TOX: variants seen among roughly 807,000 people sequenced by gnomAD.
TOX encodes thymocyte selection-associated high mobility group box protein TOX.
Under a neutral mutation model 53.7 loss-of-function variants are expected in TOX, and 11 were observed. That is an observed-to-expected ratio of 0.20 (90% CI 0.13 to 0.34). The LOEUF (loss-of-function observed/expected upper bound fraction) is 0.34. Ranked by LOEUF, TOX falls within the 10% of genes least tolerant of loss-of-function variation. The pLI is 1.00. For synonymous variants in TOX, 225 were observed against 245.3 expected, an observed-to-expected ratio of 0.92 and a Z score of 0.77; for missense variants, 570 against 664.6, an observed-to-expected ratio of 0.86 and a Z score of 1.56.
Position 58,826,915 on chromosome 8 carries a change from C to T in TOX, c.925-13G>A. 1 of 1,606,678 alleles carries T rather than the reference C, an allele frequency of 6.2e-7. No individual in the cohort carries two copies. Among genetic ancestry groups the T allele is most frequent in the Non-Finnish European group, 8.5e-7 (1 of 1,177,254 alleles). On this transcript the variant is annotated splice_polypyrimidine_tract_variant and intron_variant, in intron 5 of 8. Transcript: ENST00000361421. ...TCTTTTTATAGACCTGCAACAACAGCAAAGAGTCTTAAATTAGAAAGTGCA... is the reference window on the plus strand; with the variant it reads ...TCTTTTTATAGACCTGCAACAACAGTAAAGAGTCTTAAATTAGAAAGTGCA...
intron 1 of TOX, among the ~76,000 whole-genome samples, chr8:59,064,477 G>C (rs1804051245): frequency 6.6e-6 from 1 of 152,102 alleles, no homozygotes; most frequent in African/African-American, 2.4e-5. Flanking sequence ...AAATGAGAAA[G>C]CACATTAACC....
chr8:58,937,438 A>T (rs547699682), intron 3 of TOX, among the ~76,000 whole-genome samples: 1 of 152,212 alleles, frequency 6.6e-6, no homozygotes, highest in Non-Finnish European at 1.5e-5. Flanking sequence ...GTGGGAATGG[A>T]CATGAAAATG....
intron 1 of TOX, among the ~76,000 whole-genome samples, chr8:58,981,364 TTC>T (rs746185643): frequency 1.3e-5 from 2 of 152,200 alleles, no homozygotes; most frequent in Non-Finnish European, 2.9e-5. Flanking sequence ...AGCAAGCTTT[TTC>T]TACAAGCCTC....
At chr8:58,854,949 G>C (rs1457844024) in intron 3 of TOX, among the ~76,000 whole-genome samples, 1 of 152,118 alleles carries the variant, frequency 6.6e-6, no homozygotes, top group Non-Finnish European at 1.5e-5. Flanking sequence ...ATGCAAGTAA[G>C]CTAATGTTTT....
intron 1 of TOX, among the ~76,000 whole-genome samples, chr8:59,011,400 A>G (rs1228568517): frequency 1.3e-5 from 2 of 152,138 alleles, no homozygotes; most frequent in Admixed American, 6.5e-5. Context: ...TGCCAGGCTC[A>G]CTCTCTAACC....
Position 58,902,997 on chromosome 8 carries a change from C to T in TOX, c.411+36305G>A, listed in dbSNP as rs573668097. 3.3e-5 allele frequency among the ~76,000 whole-genome samples: 5 copies of T among 152,266 alleles called. No individual in the cohort carries two copies. In the East Asian group the frequency reaches 9.6e-4, roughly 29 times the overall value. ...TCTAAATCTTGGCTGGCAGCCCAGC[C>T]TGAATCATGAAAATGAGAATAGTTG... On this transcript the variant is annotated intron_variant, in intron 3 of 8. Coordinates refer to ENST00000361421, the MANE Select transcript of TOX (RefSeq NM_014729.3).
chr8:58,888,531 A>G (rs1421659599), intron 3 of TOX, among the ~76,000 whole-genome samples: 1 of 152,048 alleles, frequency 6.6e-6, no homozygotes, highest in African/African-American at 2.4e-5. Flanking sequence ...CTACCAGGAT[A>G]TTTTTGTTTT....
At chr8:59,062,209 G>C (rs1372148915) in intron 1 of TOX, among the ~76,000 whole-genome samples, 1 of 152,184 alleles carries the variant, frequency 6.6e-6, no homozygotes, top group Non-Finnish European at 1.5e-5. Flanking sequence ...TGGAGAAGGG[G>C]TAAGGAGAGG....
chr8:58,935,571 G>A (rs1267312128), intron 3 of TOX, among the ~76,000 whole-genome samples: 3 of 152,124 alleles, frequency 2.0e-5, no homozygotes, highest in East Asian at 3.8e-4. Flanking sequence ...AGGTGACCTT[G>A]AAAGAAAATC....
At position 58,939,401 on chromosome 8, in the gene TOX, G is replaced by A. The variant is rs747209933; in HGVS notation, c.312C>T (p.Gly104=). 2 of 1,614,130 alleles carry A rather than the reference G, an allele frequency of 1.2e-6. No homozygotes were observed. The highest frequency in any genetic ancestry group is 1.7e-5 in the Admixed American group (1 of 60,012). ...HSLCHPMNHN[G]LLPFHPQNMD... is the part of the protein sequence containing the mutation. ...TGTTTTGTGGATGAAATGGTAGCAG[G>A]CCATTATGGTTCATGGGGTGACACA... Residue 104 remains glycine (G), a synonymous_variant, in exon 3 of 9, where the codon GGC becomes GGT. Transcript: ENST00000361421.
At chr8:59,021,481 A>AAAAATAT (rs59174995) in intron 1 of TOX, among the ~76,000 whole-genome samples, 10 of 64,732 alleles carry the variant, frequency 1.5e-4, no homozygotes, top group East Asian at 4.5e-4. Flanking sequence ...AAAAAAAAAA[A>AAAAATAT]ATATATATAT....
chr8:58,860,257 T>C (rs1313145039), intron 3 of TOX, among the ~76,000 whole-genome samples: 1 of 152,128 alleles, frequency 6.6e-6, no homozygotes, highest in Admixed American at 6.6e-5. Flanking sequence ...AAGAGGATAA[T>C]TTTTCACCAA....
chr8:58,933,954 A>T (rs1455051933), intron 3 of TOX, among the ~76,000 whole-genome samples: 2 of 152,154 alleles, frequency 1.3e-5, no homozygotes, highest in Non-Finnish European at 2.9e-5. Context: ...CCCATGACTG[A>T]CAAGCTTATC....
At chr8:59,063,587 C>T (rs1804031774) in intron 1 of TOX, among the ~76,000 whole-genome samples, 1 of 151,924 alleles carries the variant, frequency 6.6e-6, no homozygotes. Context: ...CCACGCCGGG[C>T]TAATTTTTTA....
intron 3 of TOX, among the ~76,000 whole-genome samples, chr8:58,935,645 T>C (rs556802858): frequency 6.6e-6 from 1 of 152,182 alleles, no homozygotes; most frequent in Non-Finnish European, 1.5e-5. Context: ...TAGACATTAT[T>C]TTCCTGTCTA....
At chr8:58,976,213 C>T (rs1025278752) in intron 1 of TOX, among the ~76,000 whole-genome samples, 1 of 152,236 alleles carries the variant, frequency 6.6e-6, no homozygotes, top group African/African-American at 2.4e-5. Context: ...AATCCTACTG[C>T]TGCTCTATCA....
At chr8:58,950,591 A>C (rs1812605204) in intron 2 of TOX, among the ~76,000 whole-genome samples, 1 of 152,202 alleles carries the variant, frequency 6.6e-6, no homozygotes, top group Non-Finnish European at 1.5e-5. Flanking sequence ...GGGATGTGGA[A>C]AAAAATAGTT....
At position 59,111,543 on chromosome 8, in the gene TOX, C is replaced by G. The variant is rs149400761; in HGVS notation, c.102+7343G>C. On this transcript the variant is annotated intron_variant, in intron 1 of 8. Transcript: ENST00000361421. ...GAACCATGAGAAACACAAACACACA[C>G]ACACATGCAAATACACATGCACACA... is the stretch of plus-strand genomic sequence containing the variant. Among the ~76,000 whole-genome samples, 30 of 152,162 alleles carry G rather than the reference C, an allele frequency of 2.0e-4. No homozygotes were observed. In the East Asian group the frequency reaches 2.1e-3, roughly 11 times the overall value.
Position 58,807,667 on chromosome 8 carries a change from A to C in TOX, c.*80T>G. 6.5e-7 allele frequency: 1 copy of C among 1,533,138 alleles called. No homozygotes were observed. The allele number at this position is 1,533,138 out of a possible 1,614,324, so 95.0% of individuals were successfully genotyped here. On this transcript the variant is annotated 3_prime_UTR_variant, in exon 9 of 9. Transcript: ENST00000361421. The stretch of plus-strand genomic sequence containing the variant: ...CTTGTATTTTCTAATAAAATGGAGA[A>C]CTGCCTTGACTGTACAAAGCAATCC...
Sources: gnomAD v4.1 joint callset for allele counts (sites outside exome capture counted in the v4.1 genomes callset) on GRCh38, gnomAD v4.1.1 for gene constraint, MANE v1.5 for transcripts, NCBI Gene and HGNC (gene_info 2026-07-23, HGNC 2026-07-21) for gene names.